The following RYR2 variants were observed in gnomAD, a reference collection of about 807,000 sequenced individuals.
RYR2 encodes ryanodine receptor 2.
A neutral mutation model predicts 601.1 loss-of-function variants in RYR2; 227 were observed. The ratio of observed to expected loss-of-function variants is 0.38; its 90% CI spans 0.34 to 0.42. The LOEUF is 0.42. Among genes scored for constraint, RYR2 ranks in the 10% least tolerant of loss-of-function variants. The pLI is 1.00. For synonymous variants in RYR2, 2,223 were observed against 2,175.1 expected (o/e 1.02, Z -0.61); for missense variants, 4,646 against 6,156.5 (o/e 0.75, Z 8.21).
intron 1 of RYR2, among the ~76,000 whole-genome samples, chr1:237,242,419 T>C (rs952712586): frequency 1.3e-5 from 2 of 152,074 alleles, no homozygotes; most frequent in Admixed American, 6.6e-5. Flanking sequence ...TCCTAGCTCC[T>C]AGACCAGGAC....
At chr1:237,805,015 C>T (rs1202061252) in intron 98 of RYR2, among the ~76,000 whole-genome samples, 1 of 152,088 alleles carries the variant, frequency 6.6e-6, no homozygotes, top group African/African-American at 2.4e-5. Flanking sequence ...CTATTGGCAT[C>T]TAGTTGATGC....
Position 237,784,084 on chromosome 1 carries a change from C to T in RYR2, c.12372C>T (p.Ser4124=), listed in dbSNP as rs771994461. The T allele has an allele frequency of 6.2e-7, 1 of 1,614,014 alleles. No homozygotes were observed. Among genetic ancestry groups the T allele is most frequent in the Non-Finnish European group, 8.5e-7 (1 of 1,179,900 alleles). The change falls in exon 90 of 105, where the codon AGC becomes AGT. Residue 4124 remains serine (S), a synonymous_variant. Coordinates refer to ENST00000366574, the MANE Select transcript of RYR2 (RefSeq NM_001035.3). This position sits in a 1 kb window ranked among gnomAD's most constrained non-coding sequence, Gnocchi z 7.1. ...AGACTTTTCTGGAATTAGCAGAGAG[C>T]GTCCTGAATTATTTCCAGCCCTTTC... ...RLQTFLELAE[S]VLNYFQPFLG...
chr1:237,384,348 G>A (rs973281322), intron 8 of RYR2, among the ~76,000 whole-genome samples: 7 of 152,308 alleles, frequency 4.6e-5, no homozygotes, highest in Non-Finnish European at 8.8e-5. Context: ...CGTTGGTTTG[G>A]CGCCAGCCTT....
chr1:237,567,431 A>T (rs1193416345), intron 28 of RYR2, among the ~76,000 whole-genome samples: 1 of 151,058 alleles, frequency 6.6e-6, no homozygotes, highest in African/African-American at 2.4e-5. Context: ...AAAAAAAAAA[A>T]AAATTAAAAT....
intron 40 of RYR2, among the ~76,000 whole-genome samples, chr1:237,626,401 TA>T (rs539304403): frequency 9.3e-5 from 14 of 150,486 alleles, no homozygotes; most frequent in Non-Finnish European, 1.3e-4. Flanking sequence ...TTCCCTGAAA[TA>T]AAAAAAAATA....
chr1:237,096,015 G>A (rs955685556), intron 1 of RYR2, among the ~76,000 whole-genome samples: 2 of 152,168 alleles, frequency 1.3e-5, no homozygotes, highest in Non-Finnish European at 2.9e-5. Context: ...TCAAATAAAT[G>A]ATTCTGAAAA....
intron 29 of RYR2, among the ~76,000 whole-genome samples, chr1:237,584,647 C>CTT (rs1674299637): frequency 1.3e-5 from 1 of 75,750 alleles, no homozygotes; most frequent in East Asian, 4.3e-4. Flanking sequence ...AGCTCACCAC[C>CTT]TGTTTTTTTT....
chr1:237,806,959 G>T (rs1489852270), intron 99 of RYR2, among the ~76,000 whole-genome samples: 1 of 152,090 alleles, frequency 6.6e-6, no homozygotes, highest in African/African-American at 2.4e-5. Context: ...GTGTCCACTG[G>T]GTGGCGACAT....
intron 2 of RYR2, among the ~76,000 whole-genome samples, chr1:237,326,854 A>G (rs958612665): frequency 2.0e-5 from 3 of 152,184 alleles, no homozygotes; most frequent in Non-Finnish European, 2.9e-5. Flanking sequence ...GTTCGGGGCC[A>G]TTTATTGAAG....
intron 2 of RYR2, among the ~76,000 whole-genome samples, chr1:237,276,785 A>G (rs1334516601): frequency 1.3e-5 from 2 of 152,222 alleles, no homozygotes; most frequent in Admixed American, 6.5e-5. Context: ...GTTCAAACAG[A>G]CCAATTATCA....
chr1:237,392,348 T>G lies in RYR2; in HGVS notation c.773+4165T>G, dbSNP rs1381423187. ...ACTGGATTGTTTGTAACACAAAGGATCAGTGCCTGAAGTGATGGATCCCTC... is the reference window on the plus strand; with the variant it reads ...ACTGGATTGTTTGTAACACAAAGGAGCAGTGCCTGAAGTGATGGATCCCTC... On this transcript the variant is annotated intron_variant, in intron 10 of 104. Coordinates refer to ENST00000366574, the MANE Select transcript of RYR2 (RefSeq NM_001035.3). 6.6e-5 allele frequency among the ~76,000 whole-genome samples: 10 copies of G among 152,230 alleles called. No homozygotes were observed. In the South Asian group the frequency reaches 1.2e-3, roughly 19 times the overall value.
chr1:237,427,644 G>A (rs1385873644), intron 12 of RYR2, among the ~76,000 whole-genome samples: 3 of 151,876 alleles, frequency 2.0e-5, no homozygotes, highest in Admixed American at 6.6e-5. Context: ...TTAGCTAGGC[G>A]TGGTGGCATG....
rs1268181428 is a variant in RYR2, at chr1:237,827,934, CTCAAAAAAAA to C, written c.14591-446_14591-437del. Among the ~76,000 whole-genome samples, 64 of 64,350 alleles carry C rather than the reference CTCAAAAAAAA, an allele frequency of 9.9e-4. No homozygotes were observed. In the South Asian group the frequency reaches 0.049, roughly 49 times the overall value. 42.2% of individuals were successfully genotyped at this position (64,350 alleles called of 152,430 possible). On this transcript the variant is annotated intron_variant, in intron 101 of 104. Transcript: ENST00000366574. ...CCTGGGTGACAGAATGAGACTCCGT[CTCAAAAAAAA>C]AAAAAAAAAAAAAAAAAAAAAAGAC...
chr1:237,199,117 T>G (rs1680895756), intron 1 of RYR2, among the ~76,000 whole-genome samples: 1 of 152,178 alleles, frequency 6.6e-6, no homozygotes, highest in African/African-American at 2.4e-5. Context: ...GTTTTTGCCT[T>G]CAAGGAAATT....
At chr1:237,160,020 T>C (rs1394955618) in intron 1 of RYR2, among the ~76,000 whole-genome samples, 1 of 152,228 alleles carries the variant, frequency 6.6e-6, no homozygotes, top group Non-Finnish European at 1.5e-5. Context: ...CATGCTTTAC[T>C]AATGAAATGA....
intron 10 of RYR2, among the ~76,000 whole-genome samples, chr1:237,408,971 G>T (rs1704177807): frequency 6.6e-6 from 1 of 151,970 alleles, no homozygotes; most frequent in South Asian, 2.1e-4. Flanking sequence ...AATACGTGTT[G>T]TTCATTGCTG....
At chr1:237,189,059 C>T (rs1326677307) in intron 1 of RYR2, among the ~76,000 whole-genome samples, 3 of 152,130 alleles carry the variant, frequency 2.0e-5, no homozygotes, top group Non-Finnish European at 2.9e-5. Flanking sequence ...CCCCGTCCTC[C>T]TCCCAGCCCT....
rs369468581 is a variant in RYR2 at position 237,498,234 on chromosome 1, A to G, written c.2203+1482A>G. Among the ~76,000 whole-genome samples the G allele has an allele frequency of 6.6e-5, 10 of 152,192 alleles. No homozygotes were observed. The South Asian group carries it at 1.7e-3, about 25-fold the overall frequency. On this transcript the variant is annotated intron_variant, in intron 20 of 104. Transcript: ENST00000366574. ...TTATGGGGTTGAAGCTGTGTTTTGCATATTTCATCTAACCTCTGAGGAATG... is the reference window on the plus strand; with the variant it reads ...TTATGGGGTTGAAGCTGTGTTTTGCGTATTTCATCTAACCTCTGAGGAATG...
At chr1:237,523,774 C>G (rs889387086) in intron 24 of RYR2, among the ~76,000 whole-genome samples, 7 of 149,880 alleles carry the variant, frequency 4.7e-5, no homozygotes, top group African/African-American at 1.7e-4. Context: ...AATACTTTAC[C>G]AAAGAAGATA....
Sources: allele counts gnomAD v4.1 joint callset (sites outside exome capture counted in the v4.1 genomes callset), GRCh38; gene constraint gnomAD v4.1.1; non-coding constraint Gnocchi (gnomAD v3.1); transcripts MANE v1.5; gene names NCBI Gene and HGNC (gene_info 2026-07-23, HGNC 2026-07-21).